The following HECTD4 variants were observed in gnomAD, a reference collection of about 807,000 sequenced individuals.
The protein encoded by HECTD4 is probable E3 ubiquitin-protein ligase HECTD4.
A neutral mutation model predicts 471.5 loss-of-function variants in HECTD4; 114 were observed. That is an observed-to-expected ratio of 0.24 (90% CI 0.21 to 0.28). The LOEUF (loss-of-function observed/expected upper bound fraction) is 0.28, where lower values mean the gene tolerates loss of function less well. Ranked by LOEUF, HECTD4 falls within the 10% of genes least tolerant of loss-of-function variation. The probability of loss-of-function intolerance (pLI) is 1.00; values close to 1 mark genes in which losing one functional copy is unlikely to be tolerated. For synonymous variants in HECTD4, 2,012 were observed against 2,256.0 expected, an observed-to-expected ratio of 0.89 and a Z score of 3.07; for missense variants, 3,866 against 5,651.5, an observed-to-expected ratio of 0.68 and a Z score of 10.13.
chr12:112,252,970 C>T (rs1035721981), intron 22 of HECTD4, among the ~76,000 whole-genome samples: 2 of 151,978 alleles, frequency 1.3e-5, no homozygotes, highest in Admixed American at 1.3e-4. Context: ...GAACCATGCC[C>T]AGCTAATTTT....
intron 9 of HECTD4, 65 bp downstream of exon 9, chr12:112,279,163 G>A: frequency 7.1e-7 from 1 of 1,410,814 alleles, no homozygotes; most frequent in Non-Finnish European, 9.7e-7. Flanking sequence ...ATAATTAATA[G>A]GAAAGCTTTA....
chr12:112,331,554 A>G (rs2035844805), intron 1 of HECTD4, among the ~76,000 whole-genome samples: 1 of 152,190 alleles, frequency 6.6e-6, no homozygotes, highest in Non-Finnish European at 1.5e-5. Flanking sequence ...ACCTCCCTTC[A>G]TTTTACACAG....
chr12:112,272,539 G>A (rs2034437880), intron 11 of HECTD4, among the ~76,000 whole-genome samples: 1 of 152,188 alleles, frequency 6.6e-6, no homozygotes, highest in Non-Finnish European at 1.5e-5. Flanking sequence ...TTTAAACTCT[G>A]CTCTGGTTTT....
intron 6 of HECTD4, 113 bp from the exon 7 acceptor site, chr12:112,306,347 G>A: frequency 1.1e-6 from 1 of 875,212 alleles, no homozygotes; most frequent in Non-Finnish European, 1.5e-6. Context: ...TAGGCTTTCT[G>A]GTCAAAATAA....
chr12:112,371,627 C>T (rs958764238), intron 1 of HECTD4, among the ~76,000 whole-genome samples: 1 of 151,750 alleles, frequency 6.6e-6, no homozygotes, highest in Admixed American at 6.6e-5. Context: ...TGGCTTGTAC[C>T]TGTAATCCCA....
At chr12:112,261,167 A>G in intron 18 of HECTD4, 138 bp downstream of exon 18, 1 of 902,262 alleles carries the variant, frequency 1.1e-6, no homozygotes, top group Non-Finnish European at 1.5e-6. Context: ...GCTTTCAAAC[A>G]CTTGCCCTTT....
At chr12:112,312,953 A>G (rs1002573518) in intron 4 of HECTD4, 64 bp downstream of exon 4, 103 of 1,348,766 alleles carry the variant, frequency 7.6e-5, no homozygotes, top group Non-Finnish European at 9.8e-5. Flanking sequence ...CATTTGCTAC[A>G]GTGATCTAAA....
At position 112,188,511 on chromosome 12, in the gene HECTD4, T is replaced by C. The variant is rs974261170; in HGVS notation, c.9472+2275A>G. The stretch of plus-strand genomic sequence containing the variant: ...TCTGAGTGGAAAGAGAGAAAGCTCA[T>C]GTACGTGAGACACGATTAGGGATCA... On this transcript the variant is annotated intron_variant, in intron 60 of 75. Transcript: ENST00000682272. The surrounding 1 kb of genome is among the most constrained non-coding windows in gnomAD (Gnocchi z 4.2). 6.6e-6 allele frequency among the ~76,000 whole-genome samples: 1 copy of C among 152,220 alleles called. No individual in the cohort carries two copies. Among genetic ancestry groups the C allele is most frequent in the Non-Finnish European group, 1.5e-5 (1 of 68,040 alleles).
At chr12:112,332,881 T>A (rs2035871084) in intron 1 of HECTD4, among the ~76,000 whole-genome samples, 1 of 152,124 alleles carries the variant, frequency 6.6e-6, no homozygotes, top group African/African-American at 2.4e-5. Context: ...TCCCAGCCCT[T>A]GGCAACCACT....
At chr12:112,372,754 T>C (rs2036707004) in intron 1 of HECTD4, among the ~76,000 whole-genome samples, 1 of 151,882 alleles carries the variant, frequency 6.6e-6, no homozygotes, top group Non-Finnish European at 1.5e-5. Context: ...ATTATTATTG[T>C]TATTTTTGTT....
chr12:112,221,119 T>C (rs951487070), intron 44 of HECTD4, among the ~76,000 whole-genome samples: 2 of 152,034 alleles, frequency 1.3e-5, no homozygotes, highest in Admixed American at 6.5e-5. Context: ...ACTTGGCTAA[T>C]TTTTTGTATT....
chr12:112,308,803 C>T lies in HECTD4; in HGVS notation c.1114G>A (p.Asp372Asn), dbSNP rs1396985593. ...GSLLHRPVSF[D>N]NKPHSLFQVI... ...TGGAAAAGGGAGTGAGGTTTATTAT[C>T]GAAAGAGACAGGCCGGTGGAGAAGA... is the stretch of plus-strand genomic sequence containing the variant. The change falls in exon 6 of 76, where the codon GAT (aspartate) becomes AAT (asparagine). Residue 372 changes from aspartate (D) to asparagine (N), a missense_variant. Physicochemically the swap from Asp to Asn is conservative, Grantham distance 23. Around this residue, in one of 16 missense-constraint regions of HECTD4, gnomAD observed 440 missense variants for 636.0 expected, o/e 0.69. Transcript: ENST00000682272. 8 of 1,535,958 alleles carry T rather than the reference C, an allele frequency of 5.2e-6. No homozygotes were observed. The highest frequency in any genetic ancestry group is 7.0e-6 in the Non-Finnish European group (8 of 1,146,856).
chr12:112,247,640 C>G, intron 27 of HECTD4, 90 bp from the exon 28 acceptor site: 5 of 514,678 alleles, frequency 9.7e-6, no homozygotes, highest in Non-Finnish European at 1.7e-5. Flanking sequence ...CAGAGAAAAA[C>G]CACCACCTTT....
intron 55 of HECTD4, 43 bp downstream of exon 55, chr12:112,200,595 G>A (rs2032392870): frequency 1.9e-6 from 3 of 1,583,194 alleles, no homozygotes; most frequent in Non-Finnish European, 2.6e-6. Flanking sequence ...GAGCGAAGTT[G>A]GTGGATTTCT....
Position 112,162,161 on chromosome 12 carries a change from T to G in HECTD4, c.*226A>C. The G allele has an allele frequency of 1.9e-6, 1 of 538,386 alleles. No homozygotes were observed. The highest frequency in any genetic ancestry group is 2.4e-5 in the South Asian group (1 of 41,958). 33.4% of individuals were successfully genotyped at this position (538,386 alleles called of 1,614,324 possible). On this transcript the variant is annotated 3_prime_UTR_variant, in exon 76 of 76. Coordinates refer to ENST00000682272, the MANE Select transcript of HECTD4 (RefSeq NM_001388303.1). The surrounding 1 kb of genome is among the most constrained non-coding windows in gnomAD (Gnocchi z 5.2). ...AAACTGTCTGGGAACTAAACTATCC[T>G]ACAAATAGACCACAAACAGGCAGCA... is the stretch of plus-strand genomic sequence containing the variant.
At chr12:112,347,978 C>A (rs1157600724) in intron 1 of HECTD4, among the ~76,000 whole-genome samples, 1 of 152,194 alleles carries the variant, frequency 6.6e-6, no homozygotes, top group South Asian at 2.1e-4. Context: ...TCTATCTTTG[C>A]CCCAGTCTTG....
intron 11 of HECTD4, 49 bp from the exon 12 acceptor site, chr12:112,270,508 G>A (rs1446766032): frequency 6.9e-7 from 1 of 1,454,622 alleles, no homozygotes; most frequent in Non-Finnish European, 9.6e-7. Flanking sequence ...TCTATGGGTG[G>A]TCCCCAAAGA....
At chr12:112,253,983 C>T in intron 22 of HECTD4, 60 bp downstream of exon 22, 1 of 1,582,038 alleles carries the variant, frequency 6.3e-7, no homozygotes, top group Non-Finnish European at 8.7e-7. Context: ...AGTACTTGGA[C>T]CTGTGAGGAC....
In HECTD4 at chr12:112,175,772, G is replaced by A; in HGVS notation, c.11558C>T (p.Ala3853Val). ...AAGATCGTAACCACAGGACAAGATC[G>A]CCCTCCAGACGCTACGGATATCTTG... Reference protein sequence around the residue: ...ARQDIRSVWRAILSCGYDLHF... With the variant: ...ARQDIRSVWRVILSCGYDLHF... The change falls in exon 66 of 76, where the codon GCG becomes GTG. Residue 3853 changes from alanine to valine, a missense_variant. By Grantham distance (64) the Ala-to-Val change is moderately conservative. Coordinates refer to ENST00000682272, the MANE Select transcript of HECTD4 (RefSeq NM_001388303.1). 2 of 1,613,022 alleles carry A rather than the reference G, an allele frequency of 1.2e-6. No individual in the cohort carries two copies. Among genetic ancestry groups the A allele is most frequent in the Non-Finnish European group, 8.5e-7 (1 of 1,179,494 alleles).
Sources: allele counts gnomAD v4.1 joint callset (sites outside exome capture counted in the v4.1 genomes callset), GRCh38; gene constraint gnomAD v4.1.1; regional missense constraint gnomAD v4.1.1; non-coding constraint Gnocchi (gnomAD v3.1); transcripts MANE v1.5; gene names NCBI Gene and HGNC (gene_info 2026-07-23, HGNC 2026-07-21).